The following HELZ variants were observed in gnomAD, a reference collection of about 807,000 sequenced individuals.
The protein encoded by HELZ is helicase with zinc finger, also known as ATP-dependent RNA helicase with zinc finger domain.
Under a neutral mutation model 218.2 loss-of-function variants are expected in HELZ, and 23 were observed. The ratio of observed to expected loss-of-function variants is 0.11; its 90% CI spans 0.08 to 0.15. The LOEUF is 0.15. Ranked by LOEUF, HELZ falls within the 10% of genes least tolerant of loss-of-function variation. The pLI, the probability that HELZ is intolerant of heterozygous loss-of-function variation, is 1.00. For synonymous variants in HELZ, 814 were observed against 829.4 expected (o/e 0.98, Z 0.32); for missense variants, 1,813 against 2,353.7 (o/e 0.77, Z 4.75).
At position 67,245,168 on chromosome 17, in the gene HELZ, A is replaced by C. The variant is rs1215215268; in HGVS notation, c.-152T>G. On this transcript the variant is annotated 5_prime_UTR_variant, in exon 1 of 33. The change abolishes an upstream ATG in the 5' untranslated region. Coordinates refer to ENST00000358691, the MANE Select transcript of HELZ (RefSeq NM_014877.4). Reference sequence around the variant, plus strand: ...CTTACCTGTCATTACTTTCTACGCCATCTTGGATCCACTTGTCAACGTCCC... The same window carrying C: ...CTTACCTGTCATTACTTTCTACGCCCTCTTGGATCCACTTGTCAACGTCCC... The C allele has an allele frequency of 1.0e-6, 1 of 984,952 alleles. No homozygotes were observed. The highest frequency in any genetic ancestry group is 1.2e-6 in the Non-Finnish European group (1 of 829,826). 61.0% of individuals were successfully genotyped at this position (984,952 alleles called of 1,614,324 possible). A position where few individuals can be genotyped will look rare whatever the true frequency, so the allele number is the denominator to read the frequency against.
chr17:67,158,719 C>T (rs527936304), intron 17 of HELZ, among the ~76,000 whole-genome samples: 3 of 152,108 alleles, frequency 2.0e-5, no homozygotes, highest in African/African-American at 7.2e-5. Flanking sequence ...AGTTAAAGGG[C>T]GAGTCTCGAT....
intron 23 of HELZ, among the ~76,000 whole-genome samples, chr17:67,130,069 T>C (rs1459101596): frequency 1.3e-5 from 2 of 152,192 alleles, no homozygotes; most frequent in Non-Finnish European, 2.9e-5. Context: ...CATAAAACTT[T>C]GCAGAGTTTA....
intron 31 of HELZ, among the ~76,000 whole-genome samples, chr17:67,089,421 T>G (rs1427768384): frequency 2.0e-5 from 3 of 151,972 alleles, no homozygotes; most frequent in Non-Finnish European, 4.4e-5. Flanking sequence ...ATCATTTGTA[T>G]CTTCCAAACT....
intron 3 of HELZ, among the ~76,000 whole-genome samples, chr17:67,232,300 T>A (rs576348791): frequency 6.6e-6 from 1 of 152,034 alleles, no homozygotes; most frequent in African/African-American, 2.4e-5. Context: ...CACACCACCA[T>A]AACCGGCTAT....
At chr17:67,086,551 A>C (rs2036378773) in intron 32 of HELZ, among the ~76,000 whole-genome samples, 1 of 149,248 alleles carries the variant, frequency 6.7e-6, no homozygotes, top group South Asian at 2.1e-4. Flanking sequence ...ATTGTACTCT[A>C]GCCTGGGCGA....
intron 3 of HELZ, among the ~76,000 whole-genome samples, chr17:67,229,679 A>G (rs1384902689): frequency 6.6e-6 from 1 of 152,216 alleles, no homozygotes; most frequent in Non-Finnish European, 1.5e-5. Context: ...TCTCATTAGC[A>G]TGTCAAGTCA....
chr17:67,186,618 C>A (rs2144271201), intron 12 of HELZ, among the ~76,000 whole-genome samples: 1 of 152,260 alleles, frequency 6.6e-6, no homozygotes, highest in East Asian at 1.9e-4. Context: ...TTACATTTTA[C>A]TGCAGACATT....
intron 13 of HELZ, among the ~76,000 whole-genome samples, chr17:67,170,052 G>T (rs1437616844): frequency 6.6e-6 from 1 of 152,212 alleles, no homozygotes; most frequent in African/African-American, 2.4e-5. Context: ...GGCCCCCAAG[G>T]CCTCAGGCAG....
intron 5 of HELZ, 145 bp downstream of exon 5, chr17:67,215,753 GA>G (rs950863807): frequency 1.6e-5 from 11 of 675,886 alleles, no homozygotes; most frequent in Admixed American, 4.9e-5. Flanking sequence ...AGCTCAGTGG[GA>G]ATGTCATCAT....
chr17:67,195,946 G>T (rs1351822718), intron 7 of HELZ, among the ~76,000 whole-genome samples: 1 of 149,946 alleles, frequency 6.7e-6, no homozygotes, highest in Non-Finnish European at 1.5e-5. Context: ...CCACCCCCCG[G>T]GTTCAAGTGA....
At chr17:67,244,903 G>A (rs948614420) in intron 1 of HELZ, 68 of 985,916 alleles carry the variant, frequency 6.9e-5, no homozygotes, top group Non-Finnish European at 7.5e-5. Flanking sequence ...GGACGCTGCG[G>A]GCCCCAGCGG....
intron 3 of HELZ, among the ~76,000 whole-genome samples, chr17:67,231,410 G>GGT (rs2041032374): frequency 6.6e-6 from 1 of 151,834 alleles, no homozygotes; most frequent in African/African-American, 2.4e-5. Flanking sequence ...TGGCTAACAT[G>GGT]GTGAAACCCC....
chr17:67,086,631 A>AATATATATATATATAT lies in HELZ; in HGVS notation c.5494+182_5494+197dup, dbSNP rs71139116. Among the ~76,000 whole-genome samples, 339 of 93,108 alleles carry AATATATATATATATAT rather than the reference A, an allele frequency of 3.6e-3. 7 individuals are homozygous for AATATATATATATATAT. Among genetic ancestry groups the AATATATATATATATAT allele is most frequent in the Non-Finnish European group, 4.5e-3 (219 of 49,094 alleles). The allele number at this position is 93,108 out of a possible 152,430, so 61.1% of individuals were successfully genotyped here. On this transcript the variant is annotated intron_variant, in intron 32 of 32. Coordinates refer to ENST00000358691, the MANE Select transcript of HELZ (RefSeq NM_014877.4). Reference sequence around the variant, plus strand: ...ATATATATAAATAAATATAAATATAAATATATATATATATATATATATATA... The same window carrying AATATATATATATATAT: ...ATATATATAAATAAATATAAATATAAATATATATATATATATATATATATATATATATATATATATA...
At chr17:67,156,451 T>G (rs2038845026) in intron 17 of HELZ, among the ~76,000 whole-genome samples, 1 of 152,164 alleles carries the variant, frequency 6.6e-6, no homozygotes, top group African/African-American at 2.4e-5. Context: ...TTCTCTCCAG[T>G]TACCAACCTC....
At position 67,218,833 on chromosome 17, in the gene HELZ, G is replaced by T. The variant is rs778063699; in HGVS notation, c.-18-11C>A. 6.3e-7 allele frequency: 1 copy of T among 1,591,236 alleles called. No homozygotes were observed. The highest frequency in any genetic ancestry group is 1.7e-5 in the Admixed American group (1 of 59,836). Reference sequence around the variant, plus strand: ...TCAGGGACAAAAATCCTACAGACAGGGAGAAAGAACAAGAGAAGGTTTTTT... The same window carrying T: ...TCAGGGACAAAAATCCTACAGACAGTGAGAAAGAACAAGAGAAGGTTTTTT... On this transcript the variant is annotated splice_polypyrimidine_tract_variant and intron_variant, in intron 3 of 32. Coordinates refer to ENST00000358691, the MANE Select transcript of HELZ (RefSeq NM_014877.4).
At chr17:67,239,590 G>A (rs1006063833) in intron 2 of HELZ, 101 bp from the exon 3 acceptor site, 2 of 152,116 alleles carry the variant, frequency 1.3e-5, no homozygotes, top group African/African-American at 2.4e-5. Flanking sequence ...CCAGCATATG[G>A]TCTTTTGGTC....
intron 5 of HELZ, among the ~76,000 whole-genome samples, chr17:67,204,648 T>A (rs2040251280): frequency 6.6e-6 from 1 of 152,216 alleles, no homozygotes; most frequent in African/African-American, 2.4e-5. Flanking sequence ...TACCTTTTAT[T>A]GAATTTACTA....
chr17:67,109,292 T>C lies in HELZ; in HGVS notation c.4313A>G (p.His1438Arg), dbSNP rs978724203. 6.2e-7 allele frequency: 1 copy of C among 1,614,146 alleles called. No homozygotes were observed. The highest frequency in any genetic ancestry group is 1.3e-5 in the African/African-American group (1 of 75,014). ...NNAFFNSAVA[H>R]RPQSPPAEAV... The stretch of plus-strand genomic sequence containing the variant: ...TTCTGCAGGAGGAGACTGTGGCCGA[T>C]GAGCAACTGCACTATTAAAAAAAGC... Residue 1438 changes from histidine to arginine, a missense_variant, in exon 29 of 33, where the codon CAT (histidine) becomes CGT (arginine). Physicochemically the swap from His to Arg is conservative, Grantham distance 29. Transcript: ENST00000358691.
chr17:67,236,004 C>T (rs571855837), intron 3 of HELZ, among the ~76,000 whole-genome samples: 4 of 152,248 alleles, frequency 2.6e-5, no homozygotes, highest in Admixed American at 2.6e-4. Context: ...TCCTGATCCG[C>T]CCGCCTTGGC....
Sources: gnomAD v4.1 joint callset for allele counts (sites outside exome capture counted in the v4.1 genomes callset) on GRCh38, gnomAD v4.1.1 for gene constraint, MANE v1.5 for transcripts, NCBI Gene and HGNC (gene_info 2026-07-23, HGNC 2026-07-21) for gene names.